ZNF518A: variants seen among roughly 807,000 people sequenced by gnomAD.
ZNF518A encodes zinc finger protein 518A.
A neutral mutation model predicts 102.7 loss-of-function variants in ZNF518A; 47 were observed. The observed-to-expected ratio is 0.46, with a 90% confidence interval of 0.36 to 0.58. ZNF518A has a LOEUF of 0.58. Among genes scored for constraint, ZNF518A ranks in the 20% least tolerant of loss-of-function variants. The pLI, the probability that ZNF518A is intolerant of heterozygous loss-of-function variation, is 0.00. For synonymous variants in ZNF518A, 652 were observed against 594.6 expected (o/e 1.10, Z -1.40); for missense variants, 1,793 against 1,699.8 (o/e 1.05, Z -0.96).
Position 96,158,457 on chromosome 10 carries a change from C to G in ZNF518A, c.2135C>G (p.Ala712Gly). 6.2e-7 allele frequency: 1 copy of G among 1,612,464 alleles called. No individual in the cohort carries two copies. The highest frequency in any genetic ancestry group is 1.1e-5 in the South Asian group (1 of 90,900). ...AATGATAAAGATGGAACTTTAAAAG[C>G]AAAATCTGAAATTGAAGAACAGTAT... ...LLNDKDGTLK[A>G]KSEIEEQYVL... Residue 712 changes from alanine to glycine, a missense_variant, in exon 6 of 6, where the codon GCA becomes GGA. Physicochemically the swap from Ala to Gly is moderately conservative, Grantham distance 60. This residue lies in a region of ZNF518A where 1,741 missense variants were observed against 1,622.6 expected (regional missense o/e 1.07). Transcript: ENST00000316045.
At chr10:96,141,232 A>G (rs1398657862) in intron 3 of ZNF518A, among the ~76,000 whole-genome samples, 1 of 152,204 alleles carries the variant, frequency 6.6e-6, no homozygotes, top group African/African-American at 2.4e-5. Flanking sequence ...GAGGTAAAAA[A>G]TAATGAAATT....
intron 1 of ZNF518A, among the ~76,000 whole-genome samples, chr10:96,179,004 T>G (rs1338658297): frequency 2.0e-5 from 3 of 152,172 alleles, no homozygotes; most frequent in African/African-American, 7.2e-5. Context: ...ATATCAATGC[T>G]GCACAAATTC....
rs781846163 is a variant in ZNF518A at position 96,158,656 on chromosome 10, T to A, written c.2334T>A (p.Phe778Leu). The A allele has an allele frequency of 1.5e-5, 24 of 1,613,370 alleles. No homozygotes were observed. Among genetic ancestry groups the A allele is most frequent in the Non-Finnish European group, 1.9e-5 (22 of 1,179,630 alleles). Residue 778 changes from phenylalanine (F) to leucine (L), a missense_variant, in exon 6 of 6, where the codon TTT becomes TTA. Phe to Leu is a conservative substitution (Grantham distance 22). Around this residue, in one of 3 missense-constraint regions of ZNF518A, gnomAD observed 1,741 missense variants for 1,622.6 expected, o/e 1.07. Coordinates refer to ENST00000316045, the MANE Select transcript of ZNF518A (RefSeq NM_001330736.2). ...FSLQSQQASE[F>L]LPPEVNQLLQ... ...TCCAGAGCCAACAGGCATCAGAATT[T>A]CTGCCACCTGAAGTAAACCAATTGC...
At chr10:96,185,947 C>T (rs587609844) in intron 1 of ZNF518A, among the ~76,000 whole-genome samples, 1 of 152,240 alleles carries the variant, frequency 6.6e-6, no homozygotes, top group East Asian at 1.9e-4. Context: ...TCTCCCCCAG[C>T]CAGGCTGCTG....
chr10:96,131,082 T>A (rs1268089967), intron 1 of ZNF518A, among the ~76,000 whole-genome samples: 1 of 152,206 alleles, frequency 6.6e-6, no homozygotes, highest in Non-Finnish European at 1.5e-5. Flanking sequence ...CATTGTTGAG[T>A]ATGTTGTCAA....
chr10:96,200,169 G>A lies in ZNF518A; in HGVS notation n.36-3405G>A. ...GAGAACGCCAGCTTCCTGTGAAATG[G>A]AGGGCACTGGTCAGCATGGGATGGT... is the stretch of plus-strand genomic sequence containing the variant. On this transcript the variant is annotated intron_variant and non_coding_transcript_variant, in intron 1 of 2. Transcript: ENST00000442635. The surrounding 1 kb of genome is among the most constrained non-coding windows in gnomAD (Gnocchi z 4.3). The A allele has an allele frequency of 6.2e-7, 1 of 1,613,304 alleles. No individual in the cohort carries two copies. Among genetic ancestry groups the A allele is most frequent in the Non-Finnish European group, 8.5e-7 (1 of 1,179,420 alleles).
intron 1 of ZNF518A, among the ~76,000 whole-genome samples, chr10:96,174,125 TA>T (rs1384288650): frequency 1.3e-5 from 2 of 152,040 alleles, no homozygotes; most frequent in African/African-American, 4.8e-5. Context: ...TGAGTATATT[TA>T]AAAAATAAAA....
upstream of ZNF518A, chr10:96,129,902 G>A (rs1247994896): frequency 6.6e-6 from 1 of 152,540 alleles, no homozygotes; most frequent in Non-Finnish European, 1.5e-5. Flanking sequence ...GCGCTAGATG[G>A]AGAGGTCAGC....
rs1554894758 is a variant in ZNF518A, at chr10:96,196,768, T to C, written n.36-6806T>C. ...ACTGCCTAAATATAGTATTTTATCT[T>C]GTTCTCTATGACATTTATGCAAGCA... On this transcript the variant is annotated intron_variant and non_coding_transcript_variant, in intron 1 of 2. Transcript: ENST00000442635. 3.6e-6 allele frequency: 3 copies of C among 830,680 alleles called. No individual in the cohort carries two copies. In the African/African-American group the frequency reaches 5.2e-5, roughly 14 times the overall value. 51.5% of individuals were successfully genotyped at this position (830,680 alleles called of 1,614,324 possible). A position where few individuals can be genotyped will look rare whatever the true frequency, so the allele number is the denominator to read the frequency against.
upstream of ZNF518A, chr10:96,129,997 AG>A (rs2081237928): frequency 6.6e-6 from 1 of 152,644 alleles, no homozygotes. Flanking sequence ...TCTCAGGTAA[AG>A]CGCAGATCCC....
At chr10:96,144,457 A>G (rs1218648058) in intron 3 of ZNF518A, among the ~76,000 whole-genome samples, 2 of 152,114 alleles carry the variant, frequency 1.3e-5, no homozygotes, top group African/African-American at 4.8e-5. Context: ...TTTATATGTT[A>G]TGCTTTTTTG....
At chr10:96,195,846 G>T (rs1421848843) in intron 1 of ZNF518A, among the ~76,000 whole-genome samples, 1 of 152,192 alleles carries the variant, frequency 6.6e-6, no homozygotes, top group African/African-American at 2.4e-5. Flanking sequence ...GAATACACAT[G>T]ACTTTTTCAG....
chr10:96,140,632 T>C (rs1554876177), intron 3 of ZNF518A, among the ~76,000 whole-genome samples: 1 of 152,092 alleles, frequency 6.6e-6, no homozygotes, highest in Non-Finnish European at 1.5e-5. Context: ...TTCCTACCTA[T>C]TAAAAAGGTG....
At chr10:96,167,094 C>T (rs1386015948), downstream of ZNF518A, among the ~76,000 whole-genome samples, 3 of 152,098 alleles carry the variant, frequency 2.0e-5, no homozygotes, top group Non-Finnish European at 4.4e-5. Context: ...TCCTATATGA[C>T]AGAGAAATGT....
chr10:96,201,220 CTCGAAAATCCTT>C lies in ZNF518A; in HGVS notation n.36-2351_36-2340del, dbSNP rs2083624816. 5.9e-5 allele frequency among the ~76,000 whole-genome samples: 9 copies of C among 152,316 alleles called. No homozygotes were observed. The South Asian group carries it at 1.7e-3, about 28-fold the overall frequency. ...GTGTGGTCCAAGGACCCCTGGAAAT[CTCGAAAATCCTT>C]TCAGGTGGTTCAAGAGGTCTTTTCT... is the stretch of plus-strand genomic sequence containing the variant. On this transcript the variant is annotated intron_variant and non_coding_transcript_variant, in intron 1 of 2. Coordinates refer to the ZNF518A transcript ENST00000442635.
At chr10:96,181,300 G>A (rs1346212230) in intron 1 of ZNF518A, among the ~76,000 whole-genome samples, 7 of 152,252 alleles carry the variant, frequency 4.6e-5, no homozygotes, top group Non-Finnish European at 1.0e-4. Flanking sequence ...TAGGTTGCCT[G>A]TTCACTCTGA....
Position 96,160,600 on chromosome 10 carries a change from C to G in ZNF518A, c.4278C>G (p.Leu1426=), listed in dbSNP as rs1554887470. ...AAAGATTTGTGCTAAAATTAACACT[C>G]AAAAAGACAAGCAAAAACAATTACC... The part of the protein sequence containing the change: ...VKERFVLKLT[L]KKTSKNNYQI... Residue 1426 remains leucine, a synonymous_variant, in exon 6 of 6, where the codon CTC becomes CTG. Transcript: ENST00000316045. 1.2e-6 allele frequency: 2 copies of G among 1,612,170 alleles called. No individual in the cohort carries two copies. The highest frequency in any genetic ancestry group is 4.5e-5 in the East Asian group (2 of 44,850).
intron 3 of ZNF518A, among the ~76,000 whole-genome samples, chr10:96,151,822 T>G (rs587636771): frequency 6.6e-6 from 1 of 152,306 alleles, no homozygotes; most frequent in Admixed American, 6.5e-5. Context: ...AAATTATATT[T>G]TTTGGTTGTT....
chr10:96,130,103 A>G (rs148564513), upstream of ZNF518A: 2,032 of 152,846 alleles, frequency 0.013, 26 homozygotes, highest in Non-Finnish European at 0.021. Context: ...CTCGCAGGCA[A>G]TGGGTACTAC....
Sources: allele counts gnomAD v4.1 joint callset (sites outside exome capture counted in the v4.1 genomes callset), GRCh38; gene constraint gnomAD v4.1.1; regional missense constraint gnomAD v4.1.1; non-coding constraint Gnocchi (gnomAD v3.1); transcripts MANE v1.5; gene names NCBI Gene and HGNC (gene_info 2026-07-23, HGNC 2026-07-21).